SRD5A2: variants seen among roughly 807,000 people sequenced by gnomAD.
The protein encoded by SRD5A2 is 3-oxo-5-alpha-steroid 4-dehydrogenase 2.
Under a neutral mutation model 27.4 loss-of-function variants are expected in SRD5A2, and 30 were observed. That is an observed-to-expected ratio of 1.10 (90% confidence interval 0.82 to 1.49). The LOEUF (loss-of-function observed/expected upper bound fraction) is 1.49. SRD5A2 is among the 40% of genes most tolerant of loss of function. The probability of loss-of-function intolerance (pLI) is 0.00; values close to 1 mark genes in which losing one functional copy is unlikely to be tolerated. For synonymous variants in SRD5A2, 141 were observed against 133.6 expected (o/e 1.06, Z -0.38); for missense variants, 348 against 323.4 (o/e 1.08, Z -0.58).
At chr2:31,662,534 G>C in the SRD5A2 span, among the ~76,000 whole-genome samples, 1 of 152,134 alleles carries the variant, frequency 6.6e-6, no homozygotes, top group Admixed American at 6.6e-5. Context: ...TGTCCAGGCT[G>C]ATCTCAAGCT....
At chr2:31,577,572 C>T (rs1020536817) in intron 1 of SRD5A2, among the ~76,000 whole-genome samples, 1 of 152,186 alleles carries the variant, frequency 6.6e-6, no homozygotes, top group Non-Finnish European at 1.5e-5. Flanking sequence ...TGAGTTTTAA[C>T]TTCTATTTGA....
chr2:31,564,645 G>A (rs755164392), intron 1 of SRD5A2, among the ~76,000 whole-genome samples: 2 of 151,866 alleles, frequency 1.3e-5, no homozygotes, highest in Non-Finnish European at 2.9e-5. Flanking sequence ...TTAAAAGTAG[G>A]CAAAGATAAG....
chr2:31,606,082 G>A, the SRD5A2 span, among the ~76,000 whole-genome samples: 1 of 151,876 alleles, frequency 6.6e-6, no homozygotes, highest in Non-Finnish European at 1.5e-5. Flanking sequence ...ACTTATTTCT[G>A]AGATCTAAAA....
At chr2:31,536,564 C>T (rs1239055374) in intron 1 of SRD5A2, among the ~76,000 whole-genome samples, 1 of 152,080 alleles carries the variant, frequency 6.6e-6, no homozygotes, top group Admixed American at 6.5e-5. Context: ...GGTTTCCCAG[C>T]AGGAAAAAGA....
chr2:31,629,943 T>C, the SRD5A2 span, among the ~76,000 whole-genome samples: 1 of 152,226 alleles, frequency 6.6e-6, no homozygotes, highest in Non-Finnish European at 1.5e-5. Flanking sequence ...AAGGAAGCTC[T>C]ACACTGTGTC....
At chr2:31,657,867 T>C in the SRD5A2 span, among the ~76,000 whole-genome samples, 6 of 151,330 alleles carry the variant, frequency 4.0e-5, no homozygotes, top group African/African-American at 1.2e-4. Flanking sequence ...GGGAAGGAAA[T>C]AAAAAGTCAT....
At chr2:31,584,049 C>T (rs1667135809), upstream of SRD5A2, among the ~76,000 whole-genome samples, 3 of 152,132 alleles carry the variant, frequency 2.0e-5, no homozygotes, top group African/African-American at 7.2e-5. Flanking sequence ...TTTTCTGTTA[C>T]CTGGACCTGG....
At chr2:31,580,984 A>G, upstream of SRD5A2, 2 of 1,423,546 alleles carry the variant, frequency 1.4e-6, no homozygotes, top group African/African-American at 1.4e-5. Context: ...GCCAGACGCC[A>G]CCCGTGTCCG....
At chr2:31,610,241 A>G in the SRD5A2 span, among the ~76,000 whole-genome samples, 1 of 152,144 alleles carries the variant, frequency 6.6e-6, no homozygotes, top group African/African-American at 2.4e-5. Context: ...AGGCCAATAT[A>G]CTGATGAAGA....
chr2:31,648,408 G>A, the SRD5A2 span, among the ~76,000 whole-genome samples: 1 of 152,098 alleles, frequency 6.6e-6, no homozygotes, highest in Non-Finnish European at 1.5e-5. Context: ...TAGTAATTGG[G>A]TGACCCTAGT....
intron 1 of SRD5A2, among the ~76,000 whole-genome samples, chr2:31,556,475 C>A (rs1666496953): frequency 6.6e-6 from 1 of 152,182 alleles, no homozygotes; most frequent in African/African-American, 2.4e-5. Context: ...CTTAGAAAAG[C>A]AGCTCATCCT....
intron 1 of SRD5A2, among the ~76,000 whole-genome samples, chr2:31,578,991 CA>C (rs1667014995): frequency 6.6e-6 from 1 of 152,172 alleles, no homozygotes; most frequent in Non-Finnish European, 1.5e-5. Flanking sequence ...ACATTTCTGT[CA>C]AATGTCTGTT....
chr2:31,593,617 A>C, the SRD5A2 span, among the ~76,000 whole-genome samples: 2 of 152,230 alleles, frequency 1.3e-5, no homozygotes, highest in Admixed American at 6.5e-5. Context: ...AGTTTGGAAA[A>C]TTTATTTGAG....
At chr2:31,539,743 T>C (rs576830840) in intron 1 of SRD5A2, among the ~76,000 whole-genome samples, 20 of 152,248 alleles carry the variant, frequency 1.3e-4, no homozygotes, top group African/African-American at 4.6e-4. Context: ...CTCCACTGCA[T>C]TCCATGGTGT....
intron 1 of SRD5A2, among the ~76,000 whole-genome samples, chr2:31,535,910 C>G (rs1441746491): frequency 6.6e-6 from 1 of 152,136 alleles, no homozygotes; most frequent in Non-Finnish European, 1.5e-5. Context: ...AGGTCAGGCT[C>G]GAAGGATTTC....
chr2:31,646,052 T>C, the SRD5A2 span, among the ~76,000 whole-genome samples: 14 of 152,266 alleles, frequency 9.2e-5, no homozygotes, highest in East Asian at 2.7e-3. Flanking sequence ...TCTAGGAAAA[T>C]TGTATTAATG....
chr2:31,526,104 C>CATATATATATATATATATATATAT lies in SRD5A2; in HGVS notation c.*91_*92insATATATATATATATATATATATAT, dbSNP rs1491224935. 3 of 797,380 alleles carry CATATATATATATATATATATATAT rather than the reference C, an allele frequency of 3.8e-6. 1 individual carries two copies. Among genetic ancestry groups the CATATATATATATATATATATATAT allele is most frequent in the Admixed American group, 4.4e-5 (2 of 45,004 alleles). 49.4% of individuals were successfully genotyped at this position (797,380 alleles called of 1,614,324 possible). Reference sequence around the variant, plus strand: ...CAGGAGACCTACTATTACATATATACGGGACTATTATATCATGAAAATTAC... The same window carrying CATATATATATATATATATATATAT: ...CAGGAGACCTACTATTACATATATACATATATATATATATATATATATATGGGACTATTATATCATGAAAATTAC... On this transcript the variant is annotated 3_prime_UTR_variant, in exon 5 of 5. Transcript: ENST00000622030.
At chr2:31,640,188 GT>G in the SRD5A2 span, among the ~76,000 whole-genome samples, 95 of 143,536 alleles carry the variant, frequency 6.6e-4, no homozygotes, top group South Asian at 1.3e-3. Context: ...TCAGCTGTGT[GT>G]TTTTTTTTTA....
At chr2:31,636,909 T>A in the SRD5A2 span, among the ~76,000 whole-genome samples, 8 of 152,136 alleles carry the variant, frequency 5.3e-5, no homozygotes, top group Non-Finnish European at 1.0e-4. Flanking sequence ...TCTATGTTCA[T>A]CAGGGATATT....
Sources: allele counts gnomAD v4.1 joint callset (sites outside exome capture counted in the v4.1 genomes callset), GRCh38; gene constraint gnomAD v4.1.1; transcripts MANE v1.5; gene names NCBI Gene and HGNC (gene_info 2026-07-23, HGNC 2026-07-21).